NAV3: variants seen among roughly 807,000 people sequenced by gnomAD.
NAV3 encodes neuron navigator 3, also known as pore membrane and/or filament interacting like protein 1.
Under a neutral mutation model 244.7 loss-of-function variants are expected in NAV3, and 87 were observed. That is an observed-to-expected ratio of 0.36 (90% CI 0.30 to 0.42). The LOEUF is 0.42. NAV3 is among the 20% of genes least tolerant of loss of function. The pLI is 1.00. For missense variants in NAV3, 2,663 were observed against 2,893.3 expected (o/e 0.92, Z 1.83); for synonymous variants, 1,126 against 1,042.2 (o/e 1.08, Z -1.55).
intron 1 of NAV3, among the ~76,000 whole-genome samples, chr12:77,938,243 A>C (rs985086772): frequency 7.2e-5 from 11 of 152,194 alleles, no homozygotes; most frequent in African/African-American, 2.7e-4. Context: ...TTTAAATTCT[A>C]AACAGTATAA....
At chr12:78,037,041 G>A in intron 9 of NAV3, 1 of 702,980 alleles carries the variant, frequency 1.4e-6, no homozygotes, top group South Asian at 1.5e-5. Context: ...CCAGAGAGAA[G>A]CCAACTATGC....
chr12:77,961,671 C>CATGTAATAT (rs1220597767), intron 3 of NAV3, among the ~76,000 whole-genome samples: 1 of 137,616 alleles, frequency 7.3e-6, no homozygotes, highest in Non-Finnish European at 1.5e-5. Context: ...ATATTACATA[C>CATGTAATAT]ATGTAATATA....
At chr12:77,891,242 T>C (rs1294804854) in intron 1 of NAV3, among the ~76,000 whole-genome samples, 1 of 149,770 alleles carries the variant, frequency 6.7e-6, no homozygotes, top group African/African-American at 2.4e-5. Flanking sequence ...GATAAATTTA[T>C]AAAGATAAAT....
chr12:78,039,463 T>A (rs1032901241), intron 9 of NAV3, among the ~76,000 whole-genome samples: 2 of 152,130 alleles, frequency 1.3e-5, no homozygotes, highest in Admixed American at 1.3e-4. Flanking sequence ...GTGTCAAGAT[T>A]AACCAGAGGA....
chr12:77,989,048 AAAT>A (rs1871016179), intron 5 of NAV3, among the ~76,000 whole-genome samples: 1 of 152,172 alleles, frequency 6.6e-6, no homozygotes, highest in African/African-American at 2.4e-5. Context: ...TTTGAAAGAA[AAAT>A]AATGAGAGAA....
At chr12:78,186,096 T>A (rs973525765) in intron 31 of NAV3, among the ~76,000 whole-genome samples, 2 of 151,862 alleles carry the variant, frequency 1.3e-5, no homozygotes, top group African/African-American at 4.8e-5. Context: ...ACTAAATGAA[T>A]ATTTTAGAAA....
chr12:77,856,912 C>T (rs929946743), intron 1 of NAV3, among the ~76,000 whole-genome samples: 2 of 151,940 alleles, frequency 1.3e-5, no homozygotes, highest in African/African-American at 2.4e-5. Context: ...CTTTGGACAA[C>T]GGAAGGCTAG....
intron 11 of NAV3, among the ~76,000 whole-genome samples, chr12:78,054,978 G>C (rs1159516011): frequency 2.0e-5 from 3 of 152,106 alleles, no homozygotes; most frequent in Admixed American, 6.5e-5. Flanking sequence ...AGGCATTAAG[G>C]CTCCTGGGAA....
intron 22 of NAV3, among the ~76,000 whole-genome samples, chr12:78,158,351 A>G (rs1457651626): frequency 6.6e-6 from 1 of 152,190 alleles, no homozygotes; most frequent in Admixed American, 6.6e-5. Flanking sequence ...TGAGAGATTG[A>G]AGTGCCTCTT....
chr12:78,095,088 CATATATATATACACAT>C (rs1191678232), intron 12 of NAV3, among the ~76,000 whole-genome samples: 1 of 133,432 alleles, frequency 7.5e-6, no homozygotes, highest in African/African-American at 2.6e-5. Flanking sequence ...CACACACACA[CATATATATATACACAT>C]ATATATATAC....
intron 12 of NAV3, among the ~76,000 whole-genome samples, chr12:78,114,137 C>A (rs1174392889): frequency 6.6e-6 from 1 of 152,182 alleles, no homozygotes; most frequent in African/African-American, 2.4e-5. Context: ...CATCTGAGAC[C>A]ACCTTAGCCT....
At chr12:77,821,079 A>G (rs1041686701) in intron 2 of NAV3, among the ~76,000 whole-genome samples, 1 of 109,740 alleles carries the variant, frequency 9.1e-6, no homozygotes, top group African/African-American at 2.7e-5. Flanking sequence ...GTACACACAC[A>G]CATGTTCGCA....
At chr12:77,984,237 TC>T (rs911036118) in intron 5 of NAV3, among the ~76,000 whole-genome samples, 1 of 152,146 alleles carries the variant, frequency 6.6e-6, no homozygotes, top group Non-Finnish European at 1.5e-5. Flanking sequence ...GGAATCACAG[TC>T]CCAAAGTAAT....
chr12:77,653,952 A>C (rs1049482127), intron 2 of NAV3, among the ~76,000 whole-genome samples: 3 of 152,102 alleles, frequency 2.0e-5, no homozygotes, highest in African/African-American at 7.2e-5. Flanking sequence ...GAAGTAAAGA[A>C]TATGAGATAG....
At chr12:77,641,594 T>G (rs1391506353) in intron 2 of NAV3, among the ~76,000 whole-genome samples, 1 of 152,090 alleles carries the variant, frequency 6.6e-6, no homozygotes, top group African/African-American at 2.4e-5. Context: ...ATGAAGAAAA[T>G]TATATCCCAG....
intron 1 of NAV3, among the ~76,000 whole-genome samples, chr12:77,866,335 G>C (rs1428184763): frequency 2.0e-5 from 3 of 152,144 alleles, no homozygotes; most frequent in African/African-American, 7.2e-5. Context: ...CAATGTTAGT[G>C]GATACAAGAA....
chr12:77,705,838 G>A (rs1262067737), intron 2 of NAV3, among the ~76,000 whole-genome samples: 1 of 151,314 alleles, frequency 6.6e-6, no homozygotes, highest in Non-Finnish European at 1.5e-5. Context: ...ATTATGGCTG[G>A]ATTACAGGTG....
At chr12:77,679,273 C>T (rs555470042) in intron 2 of NAV3, among the ~76,000 whole-genome samples, 5 of 152,024 alleles carry the variant, frequency 3.3e-5, no homozygotes, top group Non-Finnish European at 7.4e-5. Flanking sequence ...AACAGGTTAT[C>T]GGGGAAACAA....
chr12:78,177,666 A>G lies in NAV3; in HGVS notation c.5344A>G (p.Ile1782Val). Residue 1782 changes from isoleucine (I) to valine (V), a missense_variant, in exon 28 of 40, where the codon ATC becomes GTC. Ile to Val is a conservative substitution (Grantham distance 29). This residue lies in a region of NAV3 where 193 missense variants were observed against 200.7 expected (regional missense o/e 0.96). Transcript: ENST00000397909. Reference sequence around the variant, plus strand: ...AAAGAAACGACAAAATGGCCCTGTGATCTACAAGCATAGATCTCGGTAAAG... The same window carrying G: ...AAAGAAACGACAAAATGGCCCTGTGGTCTACAAGCATAGATCTCGGTAAAG... ...PPKKRQNGPV[I>V]YKHRSRICEC... 6.3e-7 allele frequency: 1 copy of G among 1,597,308 alleles called. No homozygotes were observed. Among genetic ancestry groups the G allele is most frequent in the Non-Finnish European group, 8.5e-7 (1 of 1,179,208 alleles).
Sources: allele counts gnomAD v4.1 joint callset (sites outside exome capture counted in the v4.1 genomes callset), GRCh38; gene constraint gnomAD v4.1.1; regional missense constraint gnomAD v4.1.1; transcripts MANE v1.5; gene names NCBI Gene and HGNC (gene_info 2026-07-23, HGNC 2026-07-21).